UBE3B: variants seen among roughly 807,000 people sequenced by gnomAD.
UBE3B encodes ubiquitin protein ligase E3B.
In UBE3B, 80 loss-of-function variants were observed where a neutral mutation model predicts 132.3. That is an observed-to-expected ratio of 0.60 (90% confidence interval 0.50 to 0.73). UBE3B has a LOEUF of 0.73. Among genes scored for constraint, UBE3B ranks in the 30% least tolerant of loss-of-function variants. The pLI is 0.00. For missense variants in UBE3B, 1,196 were observed against 1,362.5 expected (o/e 0.88, Z 1.92); for synonymous variants, 487 against 520.4 (o/e 0.94, Z 0.87).
Position 109,534,027 on chromosome 12 carries a change from T to G in UBE3B, c.3015+469T>G. 2 of 1,294,868 alleles carry G rather than the reference T, an allele frequency of 1.5e-6. No homozygotes were observed. Among genetic ancestry groups the G allele is most frequent in the Non-Finnish European group, 2.0e-6 (2 of 992,914 alleles). 80.2% of individuals were successfully genotyped at this position (1,294,868 alleles called of 1,614,324 possible). A position where few individuals can be genotyped will look rare whatever the true frequency, so the allele number is the denominator to read the frequency against. On this transcript the variant is annotated intron_variant, in intron 27 of 27. Transcript: ENST00000342494. This position sits in a 1 kb window ranked among gnomAD's most constrained non-coding sequence, Gnocchi z 5.2. ...AAGCCTTCAGGGTTACGGAGCTCTG[T>G]GTGTCTCAAGCCTGGCCCACTGTGG...
intron 27 of UBE3B, chr12:109,533,766 C>T (rs1279567280): frequency 3.6e-6 from 3 of 841,266 alleles, no homozygotes; most frequent in African/African-American, 1.7e-5. Flanking sequence ...AGCCCTCTCT[C>T]GGCAGCCCCT....
chr12:109,511,166 T>C (rs1880319629), intron 17 of UBE3B, 38 bp from the exon 18 acceptor site: 1 of 1,599,042 alleles, frequency 6.3e-7, no homozygotes, highest in Non-Finnish European at 8.6e-7. Context: ...ATGGTTTCCT[T>C]CTTTTAATTC....
chr12:109,478,899 G>T (rs945089958), intron 1 of UBE3B, among the ~76,000 whole-genome samples: 2 of 152,244 alleles, frequency 1.3e-5, no homozygotes, highest in Non-Finnish European at 2.9e-5. Flanking sequence ...CATTAAACCT[G>T]GTGGCCCAGC....
Position 109,511,191 on chromosome 12 carries a change from C to G in UBE3B, c.1857-13C>G, listed in dbSNP as rs1566097678. On this transcript the variant is annotated splice_polypyrimidine_tract_variant and intron_variant, in intron 17 of 27. Transcript: ENST00000342494. ...TCTTTTAATTCTCCCAAACCCATGTCTTTCTTCTCAAGGGATCTCAAACCT... is the reference window on the plus strand; with the variant it reads ...TCTTTTAATTCTCCCAAACCCATGTGTTTCTTCTCAAGGGATCTCAAACCT... 1 of 1,613,258 alleles carries G rather than the reference C, an allele frequency of 6.2e-7. No individual in the cohort carries two copies. The highest frequency in any genetic ancestry group is 8.5e-7 in the Non-Finnish European group (1 of 1,179,412).
rs769499813 is a variant in UBE3B at position 109,529,958 on chromosome 12, T to G, written c.2696T>G (p.Leu899Arg). ...CAAATAAAAAACCAAACAGCTGCCC[T>G]CATTAGCGGATTCCGTTCCATTATC... ...HTQIKNQTAA[L>R]ISGFRSIIKP... Residue 899 changes from leucine to arginine, a missense_variant, in exon 25 of 28, where the codon CTC (leucine) becomes CGC (arginine). Leu to Arg is a moderately radical substitution (Grantham distance 102, BLOSUM62 -2). Coordinates refer to ENST00000342494, the MANE Select transcript of UBE3B (RefSeq NM_130466.4). 1 of 1,614,180 alleles carries G rather than the reference T, an allele frequency of 6.2e-7. No homozygotes were observed. Among genetic ancestry groups the G allele is most frequent in the Non-Finnish European group, 8.5e-7 (1 of 1,180,032 alleles).
intron 1 of UBE3B, among the ~76,000 whole-genome samples, 152 bp downstream of exon 1, chr12:109,478,261 G>T (rs1306181724): frequency 6.6e-6 from 1 of 152,118 alleles, no homozygotes; most frequent in African/African-American, 2.4e-5. Context: ...CTCCAGCTTA[G>T]CCCCCACAGG....
At chr12:109,513,469 CA>C (rs2136006589) in intron 18 of UBE3B, among the ~76,000 whole-genome samples, 1 of 152,262 alleles carries the variant, frequency 6.6e-6, no homozygotes, top group South Asian at 2.1e-4. Flanking sequence ...TTTTATATTT[CA>C]AAGTATGTGC....
At position 109,499,724 on chromosome 12, in the gene UBE3B, C is replaced by T. The variant is rs1490322867; in HGVS notation, c.1032C>T (p.Tyr344=). The change falls in exon 12 of 28, where the codon TAC becomes TAT. Residue 344 remains tyrosine (Y), a synonymous_variant. Transcript: ENST00000342494. Reference sequence around the variant, plus strand: ...GTTTGCTCACCCAGACGCTGTGCTACTGTCGGAAGTATGTGTCTCAGAAGA... The same window carrying T: ...GTTTGCTCACCCAGACGCTGTGCTATTGTCGGAAGTATGTGTCTCAGAAGA... The part of the protein sequence containing the change: ...FVSLLTQTLC[Y]CRKYVSQKKS... The T allele has an allele frequency of 6.2e-7, 1 of 1,613,550 alleles. No individual in the cohort carries two copies. Among genetic ancestry groups the T allele is most frequent in the African/African-American group, 1.3e-5 (1 of 74,856 alleles).
intron 26 of UBE3B, 44 bp from the exon 27 acceptor site, chr12:109,533,422 G>T: frequency 1.3e-6 from 2 of 1,550,290 alleles, no homozygotes; most frequent in Non-Finnish European, 8.9e-7. Flanking sequence ...TCCTGGAAGA[G>T]CAGGAGCCTG....
chr12:109,499,507 G>C (rs1878680109), intron 11 of UBE3B, 126 bp from the exon 12 acceptor site: 2 of 926,368 alleles, frequency 2.2e-6, no homozygotes, highest in African/African-American at 3.5e-5. Flanking sequence ...ATTGACAGGT[G>C]CCCCTTATGT....
At chr12:109,509,446 TATC>T in intron 15 of UBE3B, 147 bp from the exon 16 acceptor site, 1 of 554,450 alleles carries the variant, frequency 1.8e-6, no homozygotes, top group African/African-American at 1.9e-5. Context: ...GATGATATCA[TATC>T]ATTTTATCTG....
At chr12:109,496,588 T>G (rs550528339) in intron 9 of UBE3B, among the ~76,000 whole-genome samples, 1 of 152,270 alleles carries the variant, frequency 6.6e-6, no homozygotes, top group African/African-American at 2.4e-5. Flanking sequence ...CCAGTGGCTG[T>G]ACAGGGGTAT....
chr12:109,486,960 A>G (rs1342673535), intron 6 of UBE3B, among the ~76,000 whole-genome samples: 2 of 152,210 alleles, frequency 1.3e-5, no homozygotes. Flanking sequence ...GTGCTCTAGA[A>G]TATATTCAGT....
chr12:109,537,993 G>A (rs771165448), downstream of UBE3B, among the ~76,000 whole-genome samples: 4 of 152,154 alleles, frequency 2.6e-5, no homozygotes, highest in East Asian at 1.9e-4. Flanking sequence ...GAGCCACCGC[G>A]CCCGGCCAAC....
At chr12:109,526,522 G>A (rs1882351630) in intron 24 of UBE3B, 106 bp downstream of exon 24, 6 of 1,184,118 alleles carry the variant, frequency 5.1e-6, no homozygotes, top group Non-Finnish European at 7.3e-6. Context: ...GTAGAAAGAG[G>A]CCATAAATAT....
At chr12:109,509,439 GATATC>G in intron 15 of UBE3B, 152 bp from the exon 16 acceptor site, 2 of 532,980 alleles carry the variant, frequency 3.8e-6, no homozygotes, top group East Asian at 3.2e-5. Context: ...TACCCCTGAT[GATATC>G]ATATCATTTT....
intron 24 of UBE3B, among the ~76,000 whole-genome samples, chr12:109,529,319 G>GT (rs1462021996): frequency 6.6e-6 from 1 of 152,180 alleles, no homozygotes; most frequent in African/African-American, 2.4e-5. Flanking sequence ...TGGAACCATT[G>GT]TAAGTTGCTC....
At chr12:109,540,269 G>C (rs954299691), downstream of UBE3B, among the ~76,000 whole-genome samples, 2 of 152,058 alleles carry the variant, frequency 1.3e-5, no homozygotes, top group African/African-American at 4.8e-5. Flanking sequence ...TTGCCCAGGC[G>C]CAATCTTGGT....
chr12:109,508,667 G>A, intron 15 of UBE3B: 1 of 985,630 alleles, frequency 1.0e-6, no homozygotes, highest in Non-Finnish European at 1.2e-6. Flanking sequence ...GCAGTTGGAG[G>A]CAAGAGCAGG....
Sources: allele counts gnomAD v4.1 joint callset (sites outside exome capture counted in the v4.1 genomes callset), GRCh38; gene constraint gnomAD v4.1.1; non-coding constraint Gnocchi (gnomAD v3.1); transcripts MANE v1.5; gene names NCBI Gene and HGNC (gene_info 2026-07-23, HGNC 2026-07-21).